The following DENND4C variants were observed in gnomAD, a reference collection of about 807,000 sequenced individuals.
The protein encoded by DENND4C is DENN domain-containing protein 4C.
A neutral mutation model predicts 203.0 loss-of-function variants in DENND4C; 108 were observed. The observed-to-expected ratio is 0.53, with a 90% confidence interval of 0.46 to 0.62. The LOEUF (loss-of-function observed/expected upper bound fraction) is 0.62, where lower values mean the gene tolerates loss of function less well. DENND4C is among the 20% of genes least tolerant of loss of function. The probability of loss-of-function intolerance (pLI) is 0.00; values close to 1 mark genes in which losing one functional copy is unlikely to be tolerated. For synonymous variants in DENND4C, 871 were observed against 792.4 expected (o/e 1.10, Z -1.67); for missense variants, 2,481 against 2,301.2 (o/e 1.08, Z -1.60).
At chr9:19,264,662 C>G (rs1830119507) in intron 1 of DENND4C, among the ~76,000 whole-genome samples, 2 of 152,230 alleles carry the variant, frequency 1.3e-5, no homozygotes, top group South Asian at 4.1e-4. Flanking sequence ...TGTCTCATCT[C>G]TGATCTTATT....
intron 24 of DENND4C, 43 bp from the exon 25 acceptor site, chr9:19,352,030 G>A (rs1485913354): frequency 7.8e-6 from 12 of 1,541,320 alleles, no homozygotes; most frequent in Non-Finnish European, 1.1e-5. Flanking sequence ...AAAAAACAAG[G>A]ACATTCCTTA....
chr9:19,249,845 GC>G (rs1826129840), intron 1 of DENND4C, among the ~76,000 whole-genome samples: 1 of 151,874 alleles, frequency 6.6e-6, no homozygotes, highest in African/African-American at 2.4e-5. Context: ...TTTTGTAGGG[GC>G]TAGGTCTCAC....
chr9:19,232,353 A>T (rs76563233), intron 1 of DENND4C, among the ~76,000 whole-genome samples: 5,355 of 152,078 alleles, frequency 0.035, 317 homozygotes, highest in African/African-American at 0.12. Context: ...TTTGCAAAAT[A>T]GTTTATTGAG....
At chr9:19,343,953 T>A (rs916405914) in intron 22 of DENND4C, among the ~76,000 whole-genome samples, 1 of 152,248 alleles carries the variant, frequency 6.6e-6, no homozygotes, top group Non-Finnish European at 1.5e-5. Flanking sequence ...AAGGATTTGT[T>A]TCTCAAATAT....
Position 19,332,150 on chromosome 9 carries a change from A to C in DENND4C, c.2426A>C (p.Lys809Thr), listed in dbSNP as rs1304353221. 1 of 1,614,014 alleles carries C rather than the reference A, an allele frequency of 6.2e-7. No homozygotes were observed. Among genetic ancestry groups the C allele is most frequent in the Non-Finnish European group, 8.5e-7 (1 of 1,179,956 alleles). ...CAGCAGGCATATGATGTACTTATTA[A>C]GATGAGGAAAACAGATGTGGATCCC... ...ALQQAYDVLI[K>T]MRKTDVDPLD... Residue 809 changes from lysine to threonine, a missense_variant, in exon 17 of 33, where the codon AAG (lysine) becomes ACG (threonine). Transcript: ENST00000434457.
chr9:19,275,826 C>T (rs150140316), intron 1 of DENND4C, among the ~76,000 whole-genome samples: 3 of 152,210 alleles, frequency 2.0e-5, no homozygotes, highest in African/African-American at 4.8e-5. Context: ...ACACTGGTCG[C>T]GAACTTAAGA....
At chr9:19,321,139 C>A (rs1475018270) in intron 12 of DENND4C, among the ~76,000 whole-genome samples, 2 of 152,194 alleles carry the variant, frequency 1.3e-5, no homozygotes, top group Non-Finnish European at 2.9e-5. Context: ...TGAAAAGTCA[C>A]TCTTTGAAAT....
At chr9:19,340,938 T>C in intron 20 of DENND4C, 54 bp from the exon 21 acceptor site, 1 of 1,460,816 alleles carries the variant, frequency 6.8e-7, no homozygotes, top group South Asian at 1.5e-5. Context: ...TTTTTATATA[T>C]GAATTATAAG....
At chr9:19,245,071 A>AGGGT (rs1308857545) in intron 1 of DENND4C, among the ~76,000 whole-genome samples, 1 of 152,234 alleles carries the variant, frequency 6.6e-6, no homozygotes, top group Non-Finnish European at 1.5e-5. Flanking sequence ...CTAGACTAGT[A>AGGGT]GTTCTCAATT....
At chr9:19,281,095 A>T (rs1384962857) in intron 2 of DENND4C, among the ~76,000 whole-genome samples, 1 of 152,156 alleles carries the variant, frequency 6.6e-6, no homozygotes, top group Non-Finnish European at 1.5e-5. Flanking sequence ...CCTCCCATAC[A>T]GTCATGACTG....
chr9:19,238,308 CTGATCTCAGGTGATCTGCCGGCCT>C (rs1246857241), intron 1 of DENND4C, among the ~76,000 whole-genome samples: 1 of 151,350 alleles, frequency 6.6e-6, no homozygotes, highest in Admixed American at 6.6e-5. Flanking sequence ...TCTCGAACTC[CTGATCTCAGGTGATCTGCCGGCCT>C]TGGCCTCCCA....
chr9:19,347,164 T>C (rs1286143376), intron 23 of DENND4C, 78 bp downstream of exon 23: 5 of 1,369,402 alleles, frequency 3.7e-6, no homozygotes, highest in Non-Finnish European at 5.0e-6. Flanking sequence ...TGTATTCTTG[T>C]TCAGAGATTT....
chr9:19,350,904 T>C, intron 24 of DENND4C, 25 bp downstream of exon 24: 1 of 1,571,034 alleles, frequency 6.4e-7, no homozygotes. Flanking sequence ...TATCCTTTCT[T>C]CATTTGCTTT....
intron 22 of DENND4C, among the ~76,000 whole-genome samples, chr9:19,344,590 G>A (rs1822386207): frequency 6.6e-6 from 1 of 152,158 alleles, no homozygotes; most frequent in African/African-American, 2.4e-5. Context: ...AACTTCCTGG[G>A]CTCAGGCAAT....
At chr9:19,301,386 T>G (rs1912655) in intron 9 of DENND4C, among the ~76,000 whole-genome samples, 113,672 of 152,058 alleles carry the variant, frequency 0.75, 44,087 homozygotes, top group East Asian at 0.99. Context: ...CTCCTGTATT[T>G]TCAGCACTTG....
intron 15 of DENND4C, 100 bp downstream of exon 15, chr9:19,326,294 C>A: frequency 1.5e-6 from 2 of 1,290,396 alleles, no homozygotes; most frequent in Non-Finnish European, 1.0e-6. Flanking sequence ...AACTCATTTT[C>A]AGTATTAGTT....
intron 1 of DENND4C, among the ~76,000 whole-genome samples, chr9:19,242,879 C>T (rs1171505829): frequency 6.6e-6 from 1 of 152,138 alleles, no homozygotes; most frequent in Non-Finnish European, 1.5e-5. Context: ...TAGTCTCGAT[C>T]TCCTGACCTC....
At chr9:19,271,123 C>T (rs192618360) in intron 1 of DENND4C, among the ~76,000 whole-genome samples, 70 of 150,602 alleles carry the variant, frequency 4.6e-4, no homozygotes, top group South Asian at 3.6e-3. Context: ...TTAGAAGACT[C>T]AATAACCCTA....
At chr9:19,292,422 A>G (rs1003256688) in intron 5 of DENND4C, 1 of 152,172 alleles carries the variant, frequency 6.6e-6, no homozygotes, top group Admixed American at 6.5e-5. Context: ...TATGTAAAAC[A>G]TATATTGTAT....
Sources: gnomAD v4.1 joint callset for allele counts (sites outside exome capture counted in the v4.1 genomes callset) on GRCh38, gnomAD v4.1.1 for gene constraint, MANE v1.5 for transcripts, NCBI Gene and HGNC (gene_info 2026-07-23, HGNC 2026-07-21) for gene names.